The following NCKAP5 variants were observed in gnomAD, a reference collection of about 807,000 sequenced individuals.
NCKAP5 encodes NCK associated protein 5.
A neutral mutation model predicts 167.0 loss-of-function variants in NCKAP5; 92 were observed. That is an observed-to-expected ratio of 0.55 (90% CI 0.47 to 0.66). The LOEUF is 0.66. Among genes scored for constraint, NCKAP5 ranks in the 30% least tolerant of loss-of-function variants. The pLI is 0.00. For missense variants in NCKAP5, 2,378 were observed against 2,315.0 expected, an observed-to-expected ratio of 1.03 and a Z score of -0.56; for synonymous variants, 891 against 877.4, an observed-to-expected ratio of 1.02 and a Z score of -0.27.
intron 6 of NCKAP5, among the ~76,000 whole-genome samples, chr2:133,112,970 A>G (rs528550746): frequency 6.6e-6 from 1 of 152,294 alleles, no homozygotes; most frequent in African/African-American, 2.4e-5. Context: ...GTGTCCCCAG[A>G]TAACAGGCCA....
At chr2:133,618,554 A>G in the NCKAP5 span, among the ~76,000 whole-genome samples, 2 of 150,240 alleles carry the variant, frequency 1.3e-5, no homozygotes, top group African/African-American at 4.9e-5. Flanking sequence ...ACATGAAAAA[A>G]TGCTCACCAT....
intron 3 of NCKAP5, among the ~76,000 whole-genome samples, chr2:133,487,651 C>G (rs1215748896): frequency 6.6e-6 from 1 of 152,160 alleles, no homozygotes; most frequent in Non-Finnish European, 1.5e-5. Flanking sequence ...TATCAGTCCC[C>G]TGGAGAAGGG....
chr2:133,647,752 A>G, the NCKAP5 span, among the ~76,000 whole-genome samples: 225 of 43,160 alleles, frequency 5.2e-3, no homozygotes, highest in East Asian at 0.061. Flanking sequence ...AAGGAAGGAA[A>G]GAAAAGAAAA....
At chr2:133,396,707 A>C (rs972030131) in intron 3 of NCKAP5, among the ~76,000 whole-genome samples, 10 of 152,158 alleles carry the variant, frequency 6.6e-5, no homozygotes, top group African/African-American at 1.9e-4. Flanking sequence ...GGTTACCTCT[A>C]TAAAGACCCT....
intron 5 of NCKAP5, among the ~76,000 whole-genome samples, chr2:133,165,184 C>G (rs1476673399): frequency 6.6e-6 from 1 of 152,122 alleles, no homozygotes; most frequent in South Asian, 2.1e-4. Flanking sequence ...AATTATCTGG[C>G]CCAAAATGTC....
At chr2:133,561,426 T>G (rs1688149512) in intron 1 of NCKAP5, among the ~76,000 whole-genome samples, 1 of 152,362 alleles carries the variant, frequency 6.6e-6, no homozygotes, top group East Asian at 1.9e-4. Context: ...ATTTTGAGCA[T>G]TCATTTAGTG....
At chr2:133,115,424 A>G (rs1056928351) in intron 6 of NCKAP5, among the ~76,000 whole-genome samples, 1 of 152,166 alleles carries the variant, frequency 6.6e-6, no homozygotes, top group African/African-American at 2.4e-5. Flanking sequence ...AAGTCACTTC[A>G]AATGATTGTT....
At chr2:133,037,501 C>G (rs368047046) in intron 6 of NCKAP5, among the ~76,000 whole-genome samples, 2 of 152,064 alleles carry the variant, frequency 1.3e-5, no homozygotes, top group African/African-American at 4.8e-5. Flanking sequence ...CACACACCTA[C>G]AGTGAACTCA....
intron 3 of NCKAP5, among the ~76,000 whole-genome samples, chr2:133,359,146 T>C (rs1684928260): frequency 6.6e-6 from 1 of 152,202 alleles, no homozygotes; most frequent in African/African-American, 2.4e-5. Flanking sequence ...TTAACAATGG[T>C]AGTTTTAGCA....
At chr2:132,943,841 G>C (rs944444631) in intron 8 of NCKAP5, among the ~76,000 whole-genome samples, 1 of 152,176 alleles carries the variant, frequency 6.6e-6, no homozygotes, top group Non-Finnish European at 1.5e-5. Context: ...AGAACAAGGC[G>C]GGTGAAAAGA....
At chr2:133,462,683 G>T (rs913318265) in intron 3 of NCKAP5, among the ~76,000 whole-genome samples, 2 of 152,108 alleles carry the variant, frequency 1.3e-5, no homozygotes, top group Non-Finnish European at 2.9e-5. Flanking sequence ...TCTGTAAAAT[G>T]GGGAGAATAA....
intron 16 of NCKAP5, among the ~76,000 whole-genome samples, chr2:132,744,938 T>C (rs944706324): frequency 6.6e-6 from 1 of 151,846 alleles, no homozygotes; most frequent in African/African-American, 2.4e-5. Flanking sequence ...AATAGTCCTA[T>C]ATCAATTTAG....
chr2:132,684,522 C>A (rs1382477679), intron 19 of NCKAP5, among the ~76,000 whole-genome samples: 1 of 152,184 alleles, frequency 6.6e-6, no homozygotes, highest in Non-Finnish European at 1.5e-5. Context: ...AGTCAAACTG[C>A]CTCATTCTGA....
chr2:133,387,615 C>T (rs369007422), intron 3 of NCKAP5, among the ~76,000 whole-genome samples: 6 of 152,284 alleles, frequency 3.9e-5, no homozygotes, highest in Middle Eastern at 3.4e-3. Flanking sequence ...TGGGGAAGTT[C>T]GGGATAATAT....
intron 6 of NCKAP5, among the ~76,000 whole-genome samples, chr2:133,127,194 G>A (rs570296478): frequency 4.5e-4 from 68 of 152,288 alleles, no homozygotes; most frequent in Non-Finnish European, 9.0e-4. Context: ...CTATAATATT[G>A]AGAATTTTTC....
At chr2:133,640,180 C>T in the NCKAP5 span, among the ~76,000 whole-genome samples, 1 of 152,128 alleles carries the variant, frequency 6.6e-6, no homozygotes, top group African/African-American at 2.4e-5. Flanking sequence ...ACAGGAACAT[C>T]AATTTTACTA....
intron 6 of NCKAP5, among the ~76,000 whole-genome samples, chr2:133,112,520 A>G (rs985811195): frequency 6.6e-6 from 1 of 152,162 alleles, no homozygotes; most frequent in Non-Finnish European, 1.5e-5. Context: ...CAAGGACTAC[A>G]TGACAATACA....
rs1216038000 is a variant in NCKAP5 at position 132,784,016 on chromosome 2, G to T, written c.2795C>A (p.Pro932His). 6.4e-7 allele frequency: 1 copy of T among 1,567,068 alleles called. No individual in the cohort carries two copies. Among genetic ancestry groups the T allele is most frequent in the Non-Finnish European group, 8.6e-7 (1 of 1,160,114 alleles). ...CAGCAGGGAGACGGACCTGCCTGGAGGGGGCGGAGGGGAAGGGGATTTCAC... is the reference window on the plus strand; with the variant it reads ...CAGCAGGGAGACGGACCTGCCTGGATGGGGCGGAGGGGAAGGGGATTTCAC... ...AGVKSPSPPP[P>H]PGRSVSLLAR... The change falls in exon 14 of 20, where the codon CCT becomes CAT. Residue 932 changes from proline (P) to histidine (H), a missense_variant. Physicochemically the swap from Pro to His is moderately conservative, Grantham distance 77. Coordinates refer to ENST00000409261, the MANE Select transcript of NCKAP5 (RefSeq NM_207363.3).
At chr2:133,188,046 C>T (rs559401169) in intron 5 of NCKAP5, among the ~76,000 whole-genome samples, 6 of 152,184 alleles carry the variant, frequency 3.9e-5, no homozygotes, top group African/African-American at 1.2e-4. Context: ...TGCTAGTTAG[C>T]TGATGCAGTT....
Sources: allele counts gnomAD v4.1 joint callset (sites outside exome capture counted in the v4.1 genomes callset), GRCh38; gene constraint gnomAD v4.1.1; transcripts MANE v1.5; gene names NCBI Gene and HGNC (gene_info 2026-07-23, HGNC 2026-07-21).